The following ACSL6 variants were observed in gnomAD, a reference collection of about 807,000 sequenced individuals.
ACSL6 encodes the protein acyl-CoA synthetase long chain family member 6.
In ACSL6, 47 loss-of-function variants were observed where a neutral mutation model predicts 98.2. The observed-to-expected ratio is 0.48, with a 90% CI of 0.38 to 0.61. The LOEUF (loss-of-function observed/expected upper bound fraction) is 0.61, where lower values mean the gene tolerates loss of function less well. Among genes scored for constraint, ACSL6 ranks in the 20% least tolerant of loss-of-function variants. The probability of loss-of-function intolerance (pLI) is 0.00; values close to 1 mark genes in which losing one functional copy is unlikely to be tolerated. For synonymous variants in ACSL6, 362 were observed against 336.9 expected (o/e 1.07, Z -0.82); for missense variants, 761 against 913.4 (o/e 0.83, Z 2.15).
chr5:131,976,093 T>C, intron 10 of ACSL6: 2 of 985,456 alleles, frequency 2.0e-6, no homozygotes, highest in South Asian at 4.7e-5. Context: ...TCACCACTTG[T>C]GGGAAAAGTC....
Position 131,950,540 on chromosome 5 carries a change from A to AT in ACSL6, c.*3693dup, listed in dbSNP as rs1173166181. ...TAAAACCGGCAAGGAAATACAGCCA[A>AT]TTTATAGTTTACCAATTTTATATAC... On this transcript the variant is annotated 3_prime_UTR_variant, in exon 21 of 21. Coordinates refer to ENST00000651883, the MANE Select transcript of ACSL6 (RefSeq NM_001009185.3). The AT allele has an allele frequency of 9.9e-6, 2 of 201,768 alleles. No individual in the cohort carries two copies. The highest frequency in any genetic ancestry group is 2.0e-5 in the Non-Finnish European group (2 of 98,188). 12.5% of individuals were successfully genotyped at this position (201,768 alleles called of 1,614,324 possible). A position where few individuals can be genotyped will look rare whatever the true frequency, so the allele number is the denominator to read the frequency against.
rs759767317 is a variant in ACSL6 at position 132,011,570 on chromosome 5, C to T, written c.-17G>A. On this transcript the variant is annotated 5_prime_UTR_variant, in exon 1 of 21. Transcript: ENST00000651883. The surrounding 1 kb of genome is among the most constrained non-coding windows in gnomAD (Gnocchi z 5.4). Reference sequence around the variant, plus strand: ...GGTCAGCATGGCGGTCAGCGGGGCCCGGCCCGGCCCGGCCCGGCCTCCCCG... The same window carrying T: ...GGTCAGCATGGCGGTCAGCGGGGCCTGGCCCGGCCCGGCCCGGCCTCCCCG... The T allele has an allele frequency of 4.0e-6, 6 of 1,510,610 alleles. No homozygotes were observed. The East Asian group carries it at 8.3e-5, about 21-fold the overall frequency. The allele number at this position is 1,510,610 out of a possible 1,614,324, so 93.6% of individuals were successfully genotyped here.
chr5:131,955,604 G>C (rs1752362606), intron 20 of ACSL6, among the ~76,000 whole-genome samples: 2 of 152,158 alleles, frequency 1.3e-5, no homozygotes, highest in Non-Finnish European at 2.9e-5. Flanking sequence ...GGAAGATGAG[G>C]TGAGGTGCTT....
chr5:131,971,655 G>C lies in ACSL6; in HGVS notation c.1339-10C>G. 1 of 1,594,312 alleles carries C rather than the reference G, an allele frequency of 6.3e-7. No individual in the cohort carries two copies. Among genetic ancestry groups the C allele is most frequent in the Non-Finnish European group, 8.6e-7 (1 of 1,169,458 alleles). On this transcript the variant is annotated splice_polypyrimidine_tract_variant and intron_variant, in intron 13 of 20. Transcript: ENST00000651883. ...ACCCACCAAGACTGGCCTGTGGGAA[G>C]AAAGAAGAGCTGCCAAATTTTGTGA...
chr5:131,998,207 G>T (rs1754890125), intron 1 of ACSL6, among the ~76,000 whole-genome samples: 2 of 152,168 alleles, frequency 1.3e-5, no homozygotes. Context: ...AGAGGAGTGT[G>T]GACAGCACTC....
intron 1 of ACSL6, among the ~76,000 whole-genome samples, chr5:132,009,402 G>A (rs113518032): frequency 6.6e-6 from 1 of 152,362 alleles, no homozygotes; most frequent in Non-Finnish European, 1.5e-5. Context: ...TGACAAGGCA[G>A]AGCATGTTCT....
In ACSL6 at chr5:131,972,801, G is replaced by A. The variant is rs778524729; in HGVS notation, c.1261C>T (p.Arg421Cys). The stretch of plus-strand genomic sequence containing the variant: ...CCACTCCGGACCTCGGCTTGCTTAC[G>A]CTTTGCTGCAAACTCCAGGAGCCAG... The part of the protein sequence containing the change: ...KRWLLEFAAK[R>C]KQAEVRSGII... The change falls in exon 13 of 21, where the codon CGT (arginine) becomes TGT (cysteine). Residue 421 changes from arginine to cysteine, a missense_variant. Transcript: ENST00000651883. The A allele has an allele frequency of 5.6e-6, 9 of 1,614,162 alleles. No individual in the cohort carries two copies. In the Admixed American group the frequency reaches 6.7e-5, roughly 12 times the overall value.
intron 2 of ACSL6, among the ~76,000 whole-genome samples, chr5:131,992,200 T>C (rs1268021647): frequency 1.3e-5 from 2 of 152,118 alleles, no homozygotes; most frequent in African/African-American, 4.8e-5. Flanking sequence ...TGGGGAACTG[T>C]AGGCGATTCA....
intron 1 of ACSL6, among the ~76,000 whole-genome samples, chr5:132,010,551 C>T (rs1205669777): frequency 1.3e-5 from 2 of 152,198 alleles, no homozygotes; most frequent in African/African-American, 2.4e-5. Context: ...ATTACCACTT[C>T]TGATGGTGCT....
chr5:131,973,356 T>C lies in ACSL6; in HGVS notation c.1113A>G (p.Gly371=), dbSNP rs776989232. 11 of 1,614,126 alleles carry C rather than the reference T, an allele frequency of 6.8e-6. No individual in the cohort carries two copies. The highest frequency in any genetic ancestry group is 1.7e-6 in the Non-Finnish European group (2 of 1,180,014). Residue 371 remains glycine, a synonymous_variant, in exon 12 of 21, where the codon GGA becomes GGG. Transcript: ENST00000651883. ...CHGGRVGFFQ[G]DIRLLSDDMK... ...TGTCATCTGAGAGAAGGCGGATATCTCCCTGGAAGAAGCCAACACGCCCTC... is the reference window on the plus strand; with the variant it reads ...TGTCATCTGAGAGAAGGCGGATATCCCCCTGGAAGAAGCCAACACGCCCTC...
intron 7 of ACSL6, among the ~76,000 whole-genome samples, chr5:131,987,129 C>T (rs777224086): frequency 4.6e-5 from 7 of 152,204 alleles, no homozygotes; most frequent in Non-Finnish European, 8.8e-5. Flanking sequence ...CTCAGACAGA[C>T]ATCTAAGCCT....
At chr5:131,971,759 G>T in intron 13 of ACSL6, 114 bp from the exon 14 acceptor site, 2 of 812,724 alleles carry the variant, frequency 2.5e-6, no homozygotes, top group Non-Finnish European at 3.7e-6. Flanking sequence ...GGATGCTAGG[G>T]CTGGGATCAG....
At position 131,970,216 on chromosome 5, in the gene ACSL6, A is replaced by T; in HGVS notation, c.1435-16T>A. The T allele has an allele frequency of 6.2e-7, 1 of 1,613,670 alleles. No homozygotes were observed. Among genetic ancestry groups the T allele is most frequent in the Non-Finnish European group, 8.5e-7 (1 of 1,179,700 alleles). ...CTTCATAAACCTTCAAACAAAACACAGAAGCCACACTATGGGCACACACCC... is the reference window on the plus strand; with the variant it reads ...CTTCATAAACCTTCAAACAAAACACTGAAGCCACACTATGGGCACACACCC... On this transcript the variant is annotated splice_polypyrimidine_tract_variant and intron_variant, in intron 14 of 20. Coordinates refer to ENST00000651883, the MANE Select transcript of ACSL6 (RefSeq NM_001009185.3).
chr5:131,973,712 G>A, intron 11 of ACSL6: 1 of 246,306 alleles, frequency 4.1e-6, no homozygotes, highest in Non-Finnish European at 7.9e-6. Context: ...CTGGACATGG[G>A]CCTCCCTGGG....
chr5:131,993,651 T>G, intron 2 of ACSL6: 1 of 258,532 alleles, frequency 3.9e-6, no homozygotes, highest in East Asian at 9.8e-5. Flanking sequence ...GGGCCAGGAG[T>G]GGGCTGAATC....
chr5:132,008,379 A>G (rs1477922149), intron 1 of ACSL6, among the ~76,000 whole-genome samples: 1 of 152,202 alleles, frequency 6.6e-6, no homozygotes, highest in Non-Finnish European at 1.5e-5. Context: ...ACCATTCTTT[A>G]GACGGGCAAC....
chr5:131,985,500 T>A, intron 8 of ACSL6, 42 bp from the exon 9 acceptor site: 1 of 1,611,032 alleles, frequency 6.2e-7, no homozygotes, highest in Non-Finnish European at 8.5e-7. Context: ...AGACCCAGTG[T>A]GGCCAGCCAG....
intron 19 of ACSL6, among the ~76,000 whole-genome samples, 198 bp downstream of exon 19, chr5:131,960,322 A>G (rs961040981): frequency 2.0e-5 from 3 of 152,204 alleles, no homozygotes; most frequent in Non-Finnish European, 4.4e-5. Context: ...ACGTTTGTCA[A>G]TCTTTCTAAG....
intron 20 of ACSL6, among the ~76,000 whole-genome samples, chr5:131,957,057 C>A (rs1752446361): frequency 1.3e-5 from 2 of 152,092 alleles, no homozygotes; most frequent in Admixed American, 1.3e-4. Context: ...CATAAAAGCA[C>A]AAACTTCATA....
Sources: allele counts gnomAD v4.1 joint callset (sites outside exome capture counted in the v4.1 genomes callset), GRCh38; gene constraint gnomAD v4.1.1; non-coding constraint Gnocchi (gnomAD v3.1); transcripts MANE v1.5; gene names NCBI Gene and HGNC (gene_info 2026-07-23, HGNC 2026-07-21).